The following RAMP1 variants were observed in gnomAD, a reference collection of about 807,000 sequenced individuals.
The protein encoded by RAMP1 is receptor activity modifying protein 1.
Under a neutral mutation model 8.2 loss-of-function variants are expected in RAMP1, and 7 were observed. That is an observed-to-expected ratio of 0.85 (90% CI 0.49 to 1.60). RAMP1 has a LOEUF of 1.60. RAMP1 is among the 40% of genes most tolerant of loss of function. The pLI, the probability that RAMP1 is intolerant of heterozygous loss-of-function variation, is 0.00. For synonymous variants in RAMP1, 92 were observed against 84.7 expected (o/e 1.09, Z -0.47); for missense variants, 192 against 202.4 (o/e 0.95, Z 0.31).
chr2:237,860,524 T>C (rs2062122360), intron 1 of RAMP1, among the ~76,000 whole-genome samples: 2 of 152,206 alleles, frequency 1.3e-5, no homozygotes, highest in South Asian at 2.1e-4. Flanking sequence ...TTCCCTTGTC[T>C]GTAATGTGTT....
intron 1 of RAMP1, among the ~76,000 whole-genome samples, chr2:237,869,457 C>A (rs980664019): frequency 3.3e-5 from 5 of 152,164 alleles, no homozygotes; most frequent in African/African-American, 1.2e-4. Context: ...GATTTACCAC[C>A]TCCCCCAGCC....
At chr2:237,859,560 A>ACCGCTCCCGCGC (rs1236143747), upstream of RAMP1, 14 of 691,642 alleles carry the variant, frequency 2.0e-5, no homozygotes, top group Middle Eastern at 7.0e-4. Flanking sequence ...GCCGCCTCCC[A>ACCGCTCCCGCGC]CCGCTCCCGC....
In RAMP1 at chr2:237,909,263, G is replaced by A. The variant is rs1221217125; in HGVS notation, c.192-2265G>A. Among the ~76,000 whole-genome samples the A allele has an allele frequency of 2.0e-5, 3 of 152,176 alleles. No individual in the cohort carries two copies. The South Asian group carries it at 6.2e-4, about 31-fold the overall frequency. ...CACACCCTGGCCCTCTCACCTGGCA[G>A]CCCTCCAGCCTTCCCAAACCTCCAT... On this transcript the variant is annotated intron_variant, in intron 2 of 2. Transcript: ENST00000254661.
At chr2:237,888,092 C>T (rs1204769780) in intron 2 of RAMP1, among the ~76,000 whole-genome samples, 1 of 151,860 alleles carries the variant, frequency 6.6e-6, no homozygotes, top group Non-Finnish European at 1.5e-5. Context: ...CCTGCTGTGT[C>T]GCCCAGGCTG....
intron 1 of RAMP1, among the ~76,000 whole-genome samples, chr2:237,872,786 G>T (rs887375281): frequency 4.0e-4 from 58 of 143,932 alleles, no homozygotes; most frequent in African/African-American, 1.3e-3. Context: ...CAGCACTGTG[G>T]GACGCTGAGG....
intron 2 of RAMP1, among the ~76,000 whole-genome samples, chr2:237,902,279 G>T (rs981126074): frequency 7.1e-6 from 1 of 141,154 alleles, no homozygotes; most frequent in African/African-American, 2.5e-5. Context: ...AGAGGGAGGG[G>T]TAAGGAGGGA....
In RAMP1 at chr2:237,865,725, G is replaced by A. The variant is rs78593248; in HGVS notation, c.52+5998G>A. ...GCCTATGTCAAATCCTTGCTTGGAG[G>A]GGTGACCGGTGAGAGTGGGTAGAAA... is the stretch of plus-strand genomic sequence containing the variant. On this transcript the variant is annotated intron_variant, in intron 1 of 2. Coordinates refer to ENST00000254661, the MANE Select transcript of RAMP1 (RefSeq NM_005855.4). This position sits in a 1 kb window ranked among gnomAD's most constrained non-coding sequence, Gnocchi z 4.2. Among the ~76,000 whole-genome samples the A allele has an allele frequency of 7.5e-3, 1,143 of 152,274 alleles. 21 individuals carry two copies. Among genetic ancestry groups the A allele is most frequent in the African/African-American group, 0.026 (1,093 of 41,540 alleles).
rs1453726689 is a variant in RAMP1 at position 237,911,715 on chromosome 2, A to G, written c.379A>G (p.Ile127Val). The change falls in exon 3 of 3, where the codon ATC becomes GTC. Residue 127 changes from isoleucine to valine, a missense_variant. Ile to Val is a conservative substitution (Grantham distance 29). Coordinates refer to ENST00000254661, the MANE Select transcript of RAMP1 (RefSeq NM_005855.4). ...SILYPFIVVP[I>V]TVTLLVTALV... Reference sequence around the variant, plus strand: ...CCTCTACCCCTTCATCGTGGTCCCCATCACGGTGACCCTGCTGGTGACGGC... The same window carrying G: ...CCTCTACCCCTTCATCGTGGTCCCCGTCACGGTGACCCTGCTGGTGACGGC... 1 of 1,613,832 alleles carries G rather than the reference A, an allele frequency of 6.2e-7. No individual in the cohort carries two copies. Among genetic ancestry groups the G allele is most frequent in the Non-Finnish European group, 8.5e-7 (1 of 1,179,916 alleles).
Position 237,865,135 on chromosome 2 carries a change from G to T in RAMP1, c.52+5408G>T, listed in dbSNP as rs2151002404. ...GATAGGAGTGGGAGGGTTCCAGGGAGTCCTGGAGGCGAAAGTGATGGACTC... is the reference window on the plus strand; with the variant it reads ...GATAGGAGTGGGAGGGTTCCAGGGATTCCTGGAGGCGAAAGTGATGGACTC... On this transcript the variant is annotated intron_variant, in intron 1 of 2. Coordinates refer to ENST00000254661, the MANE Select transcript of RAMP1 (RefSeq NM_005855.4). The surrounding 1 kb of genome is among the most constrained non-coding windows in gnomAD (Gnocchi z 4.2). Among the ~76,000 whole-genome samples the T allele has an allele frequency of 6.6e-6, 1 of 152,202 alleles. No homozygotes were observed. The highest frequency in any genetic ancestry group is 2.4e-5 in the African/African-American group (1 of 41,526).
intron 2 of RAMP1, among the ~76,000 whole-genome samples, chr2:237,890,532 T>C (rs2062477963): frequency 6.6e-6 from 1 of 152,208 alleles, no homozygotes; most frequent in Admixed American, 6.5e-5. Context: ...GAATTACTTA[T>C]TTCTTAGAAG....
intron 2 of RAMP1, among the ~76,000 whole-genome samples, chr2:237,907,864 A>G (rs1020073587): frequency 1.3e-5 from 2 of 152,242 alleles, no homozygotes; most frequent in African/African-American, 4.8e-5. Flanking sequence ...CAAAAAATAT[A>G]TAATTTTTAT....
intron 2 of RAMP1, among the ~76,000 whole-genome samples, chr2:237,879,051 A>G (rs2062338632): frequency 6.6e-6 from 1 of 152,240 alleles, no homozygotes; most frequent in Non-Finnish European, 1.5e-5. Context: ...CTAAGCTGAA[A>G]AATGAGTTGA....
At chr2:237,892,552 G>C in intron 2 of RAMP1, among the ~76,000 whole-genome samples, 1 of 152,118 alleles carries the variant, frequency 6.6e-6, no homozygotes, top group East Asian at 1.9e-4. Flanking sequence ...GAGCCACCGT[G>C]CCCAGCCTGT....
chr2:237,910,281 C>T, intron 2 of RAMP1, among the ~76,000 whole-genome samples: 1 of 151,694 alleles, frequency 6.6e-6, no homozygotes. Flanking sequence ...AACACAGTCA[C>T]ACACCCACAG....
In RAMP1 at chr2:237,862,136, A is replaced by C. The variant is rs2151000833; in HGVS notation, c.52+2409A>C. On this transcript the variant is annotated intron_variant, in intron 1 of 2. Coordinates refer to ENST00000254661, the MANE Select transcript of RAMP1 (RefSeq NM_005855.4). The surrounding 1 kb of genome is among the most constrained non-coding windows in gnomAD (Gnocchi z 4.0). ...TCACGTGGGAGCCAGGGGTTTTTTT[A>C]ATGGCTGCAACATTAATTGAAATGT... Among the ~76,000 whole-genome samples the C allele has an allele frequency of 6.6e-6, 1 of 152,148 alleles. No homozygotes were observed. The highest frequency in any genetic ancestry group is 1.5e-5 in the Non-Finnish European group (1 of 68,004).
intron 1 of RAMP1, among the ~76,000 whole-genome samples, chr2:237,876,634 T>C (rs1161206108): frequency 6.6e-6 from 1 of 151,210 alleles, no homozygotes; most frequent in Non-Finnish European, 1.5e-5. Flanking sequence ...CCAAGGGCCA[T>C]GCTCTCCCCG....
At chr2:237,869,172 G>A (rs899196349) in intron 1 of RAMP1, among the ~76,000 whole-genome samples, 7 of 152,176 alleles carry the variant, frequency 4.6e-5, no homozygotes, top group Non-Finnish European at 1.0e-4. Flanking sequence ...GCGTGTTCAC[G>A]CAGGGGAGAG....
At chr2:237,893,645 T>A (rs970905280) in intron 2 of RAMP1, among the ~76,000 whole-genome samples, 1 of 152,220 alleles carries the variant, frequency 6.6e-6, no homozygotes, top group Non-Finnish European at 1.5e-5. Context: ...TTACTCTTTC[T>A]AAAGTAGTTT....
chr2:237,863,955 G>T (rs2151001730), intron 1 of RAMP1, among the ~76,000 whole-genome samples: 1 of 151,998 alleles, frequency 6.6e-6, no homozygotes, highest in East Asian at 1.9e-4. Flanking sequence ...CAGCCTCCCA[G>T]AACCCCCACC....
Sources: allele counts gnomAD v4.1 joint callset (sites outside exome capture counted in the v4.1 genomes callset), GRCh38; gene constraint gnomAD v4.1.1; non-coding constraint Gnocchi (gnomAD v3.1); transcripts MANE v1.5; gene names NCBI Gene and HGNC (gene_info 2026-07-23, HGNC 2026-07-21).